Variants in NEK7 observed in about 807,000 individuals in gnomAD.
NEK7 encodes serine/threonine-protein kinase Nek7.
A neutral mutation model predicts 44.6 loss-of-function variants in NEK7; 18 were observed. The observed-to-expected ratio is 0.40, with a 90% CI of 0.28 to 0.60. NEK7 has a LOEUF of 0.60. Among genes scored for constraint, NEK7 ranks in the 20% least tolerant of loss-of-function variants. The pLI, the probability that NEK7 is intolerant of heterozygous loss-of-function variation, is 0.38. For missense variants in NEK7, 256 were observed against 366.5 expected (o/e 0.70, Z 2.46); for synonymous variants, 130 against 121.1 (o/e 1.07, Z -0.48).
At chr1:198,279,149 C>T (rs1654112094) in intron 7 of NEK7, 88 bp downstream of exon 7, 5 of 765,394 alleles carry the variant, frequency 6.5e-6, no homozygotes, top group Admixed American at 4.3e-5. Context: ...CCAGCTCTTA[C>T]ATTCTTAATA....
intron 1 of NEK7, among the ~76,000 whole-genome samples, chr1:198,172,564 G>A (rs571948693): frequency 1.3e-5 from 2 of 152,288 alleles, no homozygotes; most frequent in African/African-American, 4.8e-5. Context: ...AAATATGTTT[G>A]CAGCTGAACT....
chr1:198,218,516 G>A, intron 1 of NEK7, among the ~76,000 whole-genome samples: 1 of 151,612 alleles, frequency 6.6e-6, no homozygotes, highest in African/African-American at 2.4e-5. Flanking sequence ...TCTAGGTAAA[G>A]AATTTATGAT....
At chr1:198,181,056 A>G (rs554655676) in intron 1 of NEK7, among the ~76,000 whole-genome samples, 13 of 152,194 alleles carry the variant, frequency 8.5e-5, no homozygotes, top group African/African-American at 3.1e-4. Flanking sequence ...TAAACACATG[A>G]TAATCACCAT....
chr1:198,173,690 C>G (rs966458355), intron 1 of NEK7, among the ~76,000 whole-genome samples: 1 of 151,824 alleles, frequency 6.6e-6, no homozygotes, highest in Admixed American at 6.6e-5. Context: ...TTTCTGAAAA[C>G]AAAATTTAAC....
At chr1:198,221,460 G>GT (rs950875461) in intron 1 of NEK7, among the ~76,000 whole-genome samples, 1 of 151,018 alleles carries the variant, frequency 6.6e-6, no homozygotes, top group African/African-American at 2.4e-5. Context: ...CAATTATAAA[G>GT]TTTTTTTGAC....
rs919588030 is a variant in NEK7, at chr1:198,185,190, ATTTTTTTTTT to A, written c.-29+27928_-29+27937del. ...TTTTACATAGTAGTACATGCTGTCT[ATTTTTTTTTT>A]TTTTTTTTTTTTTGGTCAGAAGAGA... is the stretch of plus-strand genomic sequence containing the variant. On this transcript the variant is annotated intron_variant, in intron 1 of 9. Coordinates refer to ENST00000367385, the MANE Select transcript of NEK7 (RefSeq NM_133494.3). 9.5e-5 allele frequency among the ~76,000 whole-genome samples: 8 copies of A among 83,846 alleles called. No homozygotes were observed. In the East Asian group the frequency reaches 2.9e-3, roughly 31 times the overall value. The allele number at this position is 83,846 out of a possible 152,430, so 55.0% of individuals were successfully genotyped here.
intron 9 of NEK7, among the ~76,000 whole-genome samples, chr1:198,297,696 G>C (rs375595157): frequency 1.3e-5 from 2 of 152,074 alleles, no homozygotes; most frequent in Non-Finnish European, 2.9e-5. Flanking sequence ...CTCGAAACAC[G>C]CATCTCTTAA....
chr1:198,214,998 A>G (rs960178345), intron 1 of NEK7, among the ~76,000 whole-genome samples: 1 of 152,210 alleles, frequency 6.6e-6, no homozygotes, highest in Admixed American at 6.5e-5. Context: ...GAAACCTTAT[A>G]GGCCAGAAGG....
At chr1:198,252,470 C>T (rs1316973243) in intron 2 of NEK7, among the ~76,000 whole-genome samples, 4 of 141,916 alleles carry the variant, frequency 2.8e-5, no homozygotes, top group Admixed American at 7.3e-5. Context: ...CTCTTCATCC[C>T]TATGTTGTAT....
chr1:198,282,058 G>A (rs757907379), intron 7 of NEK7, among the ~76,000 whole-genome samples: 16 of 151,968 alleles, frequency 1.1e-4, no homozygotes, highest in South Asian at 8.3e-4. Flanking sequence ...ATCCTAACAG[G>A]TCTTCACTTG....
chr1:198,252,843 T>A (rs1311664091), intron 2 of NEK7, among the ~76,000 whole-genome samples, 197 bp from the exon 3 acceptor site: 1 of 151,934 alleles, frequency 6.6e-6, no homozygotes, highest in Non-Finnish European at 1.5e-5. Flanking sequence ...CAGGGATTAT[T>A]GTCTCTCTAG....
chr1:198,171,700 C>T (rs1664449380), intron 1 of NEK7, among the ~76,000 whole-genome samples: 2 of 151,738 alleles, frequency 1.3e-5, no homozygotes, highest in Non-Finnish European at 2.9e-5. Flanking sequence ...AAATCAAAAA[C>T]CTTTATGATT....
chr1:198,210,046 C>T (rs1296607864), intron 1 of NEK7, among the ~76,000 whole-genome samples: 1 of 152,192 alleles, frequency 6.6e-6, no homozygotes, highest in Non-Finnish European at 1.5e-5. Context: ...AGTCCGCCTG[C>T]CTGGGCCTCC....
At chr1:198,308,670 T>C (rs1258802235) in intron 9 of NEK7, among the ~76,000 whole-genome samples, 1 of 152,258 alleles carries the variant, frequency 6.6e-6, no homozygotes, top group Non-Finnish European at 1.5e-5. Context: ...GATTTCCCAT[T>C]GTCTGTGTGA....
chr1:198,230,434 G>A (rs1478266297), intron 1 of NEK7, among the ~76,000 whole-genome samples: 1 of 151,898 alleles, frequency 6.6e-6, no homozygotes, highest in Non-Finnish European at 1.5e-5. Context: ...GAAAAAACAT[G>A]TAATCATTTC....
chr1:198,193,051 A>G lies in NEK7; in HGVS notation c.-29+35775A>G, dbSNP rs1353881017. On this transcript the variant is annotated intron_variant, in intron 1 of 9. Transcript: ENST00000367385. ...GTTTTTTTTTTTTTAAACTAATAAA[A>G]TAGACTGGTAGCTAAACTAATAAAG... Among the ~76,000 whole-genome samples the G allele has an allele frequency of 2.0e-5, 3 of 151,876 alleles. No homozygotes were observed. In the South Asian group the frequency reaches 6.2e-4, roughly 31 times the overall value.
At chr1:198,249,369 A>C (rs537461152) in intron 2 of NEK7, among the ~76,000 whole-genome samples, 86 of 152,184 alleles carry the variant, frequency 5.7e-4, no homozygotes, top group South Asian at 2.5e-3. Flanking sequence ...ATGTGTCTTT[A>C]TAGCAGCATG....
At chr1:198,252,528 CTA>C (rs1162099133) in intron 2 of NEK7, among the ~76,000 whole-genome samples, 596 of 32,634 alleles carry the variant, frequency 0.018, 6 homozygotes, top group African/African-American at 0.067. Flanking sequence ...ATCTCACATA[CTA>C]TATATATATA....
At chr1:198,198,702 A>T (rs902185707) in intron 1 of NEK7, among the ~76,000 whole-genome samples, 1 of 152,204 alleles carries the variant, frequency 6.6e-6, no homozygotes, top group African/African-American at 2.4e-5. Context: ...AACTGTGAGG[A>T]AGATGAGAAT....
Sources: gnomAD v4.1 joint callset for allele counts (sites outside exome capture counted in the v4.1 genomes callset) on GRCh38, gnomAD v4.1.1 for gene constraint, MANE v1.5 for transcripts, NCBI Gene and HGNC (gene_info 2026-07-23, HGNC 2026-07-21) for gene names.